The following IGF2BP3 variants were observed in gnomAD, a reference collection of about 807,000 sequenced individuals.
IGF2BP3 encodes the protein insulin like growth factor 2 mRNA binding protein 3.
Under a neutral mutation model 73.8 loss-of-function variants are expected in IGF2BP3, and 9 were observed. The observed-to-expected ratio is 0.12, with a 90% CI of 0.07 to 0.21. IGF2BP3 has a LOEUF of 0.21. Ranked by LOEUF, IGF2BP3 falls within the 10% of genes least tolerant of loss-of-function variation. The probability of loss-of-function intolerance (pLI) is 1.00; values close to 1 mark genes in which losing one functional copy is unlikely to be tolerated. For missense variants in IGF2BP3, 542 were observed against 714.0 expected (o/e 0.76, Z 2.75); for synonymous variants, 258 against 256.7 (o/e 1.01, Z -0.05).
At chr7:23,455,695 T>C (rs201542302) in intron 2 of IGF2BP3, among the ~76,000 whole-genome samples, 1 of 65,452 alleles carries the variant, frequency 1.5e-5, no homozygotes, top group Non-Finnish European at 3.8e-5. Flanking sequence ...GGTCTTACTA[T>C]TTTTTTTGGA....
chr7:23,369,855 A>AT (rs1785491973), intron 3 of IGF2BP3, among the ~76,000 whole-genome samples: 2 of 152,094 alleles, frequency 1.3e-5, no homozygotes, highest in Non-Finnish European at 2.9e-5. Flanking sequence ...GAGGTAGATA[A>AT]TTTATGTTCT....
chr7:23,408,644 G>A (rs1459782818), intron 3 of IGF2BP3, among the ~76,000 whole-genome samples: 3 of 152,076 alleles, frequency 2.0e-5, no homozygotes, highest in African/African-American at 7.2e-5. Flanking sequence ...CTTTTTCACT[G>A]GTTTATTCAA....
intron 10 of IGF2BP3, among the ~76,000 whole-genome samples, chr7:23,333,825 G>C (rs1356941759): frequency 1.3e-5 from 2 of 152,212 alleles, no homozygotes; most frequent in Non-Finnish European, 2.9e-5. Context: ...AAGAAAAGTT[G>C]ACTCATCAGA....
At chr7:23,405,817 G>A (rs754194878) in intron 3 of IGF2BP3, among the ~76,000 whole-genome samples, 1 of 152,058 alleles carries the variant, frequency 6.6e-6, no homozygotes, top group Non-Finnish European at 1.5e-5. Context: ...CTTCAACCAG[G>A]GCTGTATGGA....
intron 3 of IGF2BP3, among the ~76,000 whole-genome samples, chr7:23,368,388 G>GAA (rs1785450072): frequency 1.0e-5 from 1 of 99,310 alleles, no homozygotes; most frequent in Non-Finnish European, 2.3e-5. Flanking sequence ...AGAAAGAAAA[G>GAA]AAGGCATTAT....
At chr7:23,465,960 C>A (rs1484789268) in intron 2 of IGF2BP3, among the ~76,000 whole-genome samples, 1 of 151,926 alleles carries the variant, frequency 6.6e-6, no homozygotes, top group Non-Finnish European at 1.5e-5. Flanking sequence ...TAGGAAACTG[C>A]ATCACAGCTC....
chr7:23,432,271 T>C (rs1787702296), intron 2 of IGF2BP3, among the ~76,000 whole-genome samples: 1 of 152,256 alleles, frequency 6.6e-6, no homozygotes, highest in Non-Finnish European at 1.5e-5. Flanking sequence ...TTTTTCTACG[T>C]ACTCTCTTAC....
Position 23,351,392 on chromosome 7 carries a change from C to T in IGF2BP3, c.596G>A (p.Arg199His), listed in dbSNP as rs375664637. Reference sequence around the variant, plus strand: ...AACAAATTGGGTGGGAACCAGCAGGCGCAGAGGCAAATCACATGGTTTCTG... The same window carrying T: ...AACAAATTGGGTGGGAACCAGCAGGTGCAGAGGCAAATCACATGGTTTCTG... ...SKQKPCDLPL[R>H]LLVPTQFVGA... Residue 199 changes from arginine to histidine, a missense_variant, in exon 6 of 15, where the codon CGC (arginine) becomes CAC (histidine). Physicochemically the swap from Arg to His is conservative, Grantham distance 29 (BLOSUM62 0). Coordinates refer to ENST00000258729, the MANE Select transcript of IGF2BP3 (RefSeq NM_006547.3). 1.1e-5 allele frequency: 18 copies of T among 1,613,686 alleles called. No individual in the cohort carries two copies. Among genetic ancestry groups the T allele is most frequent in the Non-Finnish European group, 1.4e-5 (16 of 1,179,880 alleles).
At chr7:23,347,487 C>T in intron 7 of IGF2BP3, 113 bp downstream of exon 7, 2 of 1,102,058 alleles carry the variant, frequency 1.8e-6, no homozygotes, top group South Asian at 1.5e-5. Context: ...TGTAGCTCAT[C>T]AGGATATCAT....
intron 2 of IGF2BP3, among the ~76,000 whole-genome samples, chr7:23,435,859 GT>G (rs1190866218): frequency 6.6e-4 from 100 of 152,278 alleles, no homozygotes; most frequent in African/African-American, 2.3e-3. Context: ...CCAGGTTCAA[GT>G]GATTCTTGTG....
intron 2 of IGF2BP3, among the ~76,000 whole-genome samples, chr7:23,460,894 T>C (rs996941460): frequency 6.6e-6 from 1 of 152,106 alleles, no homozygotes; most frequent in African/African-American, 2.4e-5. Flanking sequence ...GAGGCTGCAG[T>C]GAGCCAAGAT....
At chr7:23,429,974 G>T (rs1045229772) in intron 2 of IGF2BP3, among the ~76,000 whole-genome samples, 1 of 152,116 alleles carries the variant, frequency 6.6e-6, no homozygotes, top group Admixed American at 6.6e-5. Context: ...AAATCAAGTG[G>T]GAATCACTGC....
In IGF2BP3 at chr7:23,312,834, C is replaced by T. The variant is rs75441534; in HGVS notation, c.1542G>A (p.Gln514=). The change falls in exon 14 of 15, where the codon CAG becomes CAA. Residue 514 remains glutamine, a synonymous_variant. Coordinates refer to ENST00000258729, the MANE Select transcript of IGF2BP3 (RefSeq NM_006547.3). Reference sequence around the variant, plus strand: ...CAACAACTTCTGCACTTGACAAATTCTGAAGTTCATTCACCTGAAAGAGAT... The same window carrying T: ...CAACAACTTCTGCACTTGACAAATTTTGAAGTTCATTCACCTGAAAGAGAT... The part of the protein sequence containing the change: ...GKGGKTVNEL[Q]NLSSAEVVVP... 11,306 of 1,607,456 alleles carry T rather than the reference C, an allele frequency of 7.0e-3. 306 individuals are homozygous for T. In the African/African-American group the frequency reaches 0.085, roughly 12 times the overall value.
rs148450812 is a variant in IGF2BP3, at chr7:23,370,785, C to T, written c.286-9044G>A. ...CTCCACTTCCTGGGCTCAAGCCATT[C>T]TACCACCTCAGCCTCCCGAGAAGCT... On this transcript the variant is annotated intron_variant, in intron 3 of 14. Coordinates refer to ENST00000258729, the MANE Select transcript of IGF2BP3 (RefSeq NM_006547.3). 2.5e-3 allele frequency among the ~76,000 whole-genome samples: 376 copies of T among 152,098 alleles called. 3 individuals carry two copies. The highest frequency in any genetic ancestry group is 8.6e-3 in the African/African-American group (357 of 41,476).
At chr7:23,363,254 T>C (rs183614338) in intron 3 of IGF2BP3, among the ~76,000 whole-genome samples, 89 of 152,336 alleles carry the variant, frequency 5.8e-4, no homozygotes, top group Non-Finnish European at 1.1e-3. Context: ...GGTGAGCTTC[T>C]GTTTTTAGTT....
intron 5 of IGF2BP3, among the ~76,000 whole-genome samples, chr7:23,360,185 G>A (rs1038162852): frequency 2.0e-5 from 3 of 152,096 alleles, no homozygotes; most frequent in South Asian, 2.1e-4. Flanking sequence ...AATTTAAAGT[G>A]CAGTTCTACT....
chr7:23,397,857 C>A (rs991674755), intron 3 of IGF2BP3, among the ~76,000 whole-genome samples: 2 of 152,060 alleles, frequency 1.3e-5, no homozygotes, highest in Admixed American at 1.3e-4. Flanking sequence ...GCAAAAGGGA[C>A]TTTGAGGGTA....
At chr7:23,441,116 T>C (rs548359591) in intron 2 of IGF2BP3, among the ~76,000 whole-genome samples, 1 of 152,234 alleles carries the variant, frequency 6.6e-6, no homozygotes, top group Non-Finnish European at 1.5e-5. Context: ...GCCTATATAT[T>C]CAGAGTCATG....
At position 23,317,721 on chromosome 7, in the gene IGF2BP3, A is replaced by C; in HGVS notation, c.1321-8T>G. On this transcript the variant is annotated splice_region_variant and splice_polypyrimidine_tract_variant and intron_variant, in intron 11 of 14. Transcript: ENST00000258729. ...TGCTTCCGCTGGAGCAATCTGTAAC[A>C]GACCCAACAACAAGTTATGATACTT... The C allele has an allele frequency of 6.2e-7, 1 of 1,611,654 alleles. No homozygotes were observed. The highest frequency in any genetic ancestry group is 8.5e-7 in the Non-Finnish European group (1 of 1,177,672).
Sources: allele counts gnomAD v4.1 joint callset (sites outside exome capture counted in the v4.1 genomes callset), GRCh38; gene constraint gnomAD v4.1.1; transcripts MANE v1.5; gene names NCBI Gene and HGNC (gene_info 2026-07-23, HGNC 2026-07-21).